Variants in FCHO2 observed in about 807,000 individuals in gnomAD.
FCHO2 encodes FCH and mu domain containing endocytic adaptor 2.
A neutral mutation model predicts 114.1 loss-of-function variants in FCHO2; 43 were observed. That is an observed-to-expected ratio of 0.38 (90% CI 0.30 to 0.49). FCHO2 has a LOEUF of 0.49. FCHO2 is among the 20% of genes least tolerant of loss of function. The pLI is 0.97. For missense variants in FCHO2, 807 were observed against 950.4 expected, an observed-to-expected ratio of 0.85 and a Z score of 1.98; for synonymous variants, 293 against 315.2, an observed-to-expected ratio of 0.93 and a Z score of 0.75.
chr5:72,988,008 C>T (rs770427781), intron 2 of FCHO2, among the ~76,000 whole-genome samples: 2 of 152,108 alleles, frequency 1.3e-5, no homozygotes, highest in African/African-American at 2.4e-5. Context: ...TGGATTTAGA[C>T]ATTAGAAGCA....
At chr5:73,016,191 G>A (rs1233310846) in intron 7 of FCHO2, among the ~76,000 whole-genome samples, 1 of 152,026 alleles carries the variant, frequency 6.6e-6, no homozygotes, top group Non-Finnish European at 1.5e-5. Flanking sequence ...GCTCATACCT[G>A]TAATCTCAGC....
At chr5:73,079,220 C>A (rs1743014288) in intron 22 of FCHO2, among the ~76,000 whole-genome samples, 1 of 152,144 alleles carries the variant, frequency 6.6e-6, no homozygotes, top group Non-Finnish European at 1.5e-5. Context: ...CAGCCTTAGC[C>A]TCCCGAGTGA....
At chr5:72,956,173 C>G in intron 1 of FCHO2, 44 bp downstream of exon 1, 1 of 1,523,058 alleles carries the variant, frequency 6.6e-7, no homozygotes, top group Non-Finnish European at 8.8e-7. Context: ...AAGTCCAAGG[C>G]TTTTGGCGCC....
intron 5 of FCHO2, chr5:72,997,670 T>C: frequency 6.5e-7 from 1 of 1,532,802 alleles, no homozygotes; most frequent in Non-Finnish European, 9.0e-7. Context: ...TCACCTGAGT[T>C]GGGGTTGGGG....
chr5:72,996,939 T>C, intron 5 of FCHO2: 1 of 1,604,408 alleles, frequency 6.2e-7, no homozygotes, highest in Non-Finnish European at 8.5e-7. Flanking sequence ...ACGCAGTGTC[T>C]GCTGGGGCTG....
At chr5:73,000,110 A>G (rs1361493642) in intron 5 of FCHO2, among the ~76,000 whole-genome samples, 1 of 152,098 alleles carries the variant, frequency 6.6e-6, no homozygotes. Flanking sequence ...GACTTAAGCA[A>G]TCCTTCACCT....
chr5:73,028,184 G>A (rs1561460598), intron 8 of FCHO2, among the ~76,000 whole-genome samples: 2 of 152,112 alleles, frequency 1.3e-5, no homozygotes, highest in East Asian at 1.9e-4. Flanking sequence ...GTGACAGGGC[G>A]AGACTCCATC....
chr5:73,040,335 A>C (rs1428448319), intron 10 of FCHO2, among the ~76,000 whole-genome samples: 1 of 152,166 alleles, frequency 6.6e-6, no homozygotes, highest in Non-Finnish European at 1.5e-5. Flanking sequence ...GCATCCTGTT[A>C]GTGTTCAAAA....
chr5:73,057,418 C>T (rs546374447), intron 16 of FCHO2, among the ~76,000 whole-genome samples: 12 of 152,050 alleles, frequency 7.9e-5, no homozygotes, highest in East Asian at 5.8e-4. Context: ...CTTTATCATA[C>T]GAGGTATAGT....
chr5:73,054,809 C>G (rs1403976904), intron 15 of FCHO2, among the ~76,000 whole-genome samples: 1 of 152,154 alleles, frequency 6.6e-6, no homozygotes, highest in Non-Finnish European at 1.5e-5. Context: ...ACTTCTGATT[C>G]AGAATGTTAA....
chr5:72,973,002 A>G (rs1456259424), intron 2 of FCHO2, among the ~76,000 whole-genome samples: 2 of 152,186 alleles, frequency 1.3e-5, no homozygotes, highest in African/African-American at 2.4e-5. Context: ...GCTGGATTAC[A>G]TTTATTGATT....
At position 72,980,006 on chromosome 5, in the gene FCHO2, C is replaced by G. The variant is rs369070615; in HGVS notation, c.126-9421C>G. On this transcript the variant is annotated intron_variant, in intron 2 of 25. Coordinates refer to ENST00000430046, the MANE Select transcript of FCHO2 (RefSeq NM_138782.3). Reference sequence around the variant, plus strand: ...CTGCTAGCTTTTGAATTTGTTTGCTCTTGCTTCTCTAGTTCTTTTAATTGT... The same window carrying G: ...CTGCTAGCTTTTGAATTTGTTTGCTGTTGCTTCTCTAGTTCTTTTAATTGT... Among the ~76,000 whole-genome samples the G allele has an allele frequency of 5.9e-5, 9 of 152,018 alleles. No individual in the cohort carries two copies. The East Asian group carries it at 7.7e-4, about 13-fold the overall frequency.
At chr5:73,064,823 A>G (rs1425069024) in intron 18 of FCHO2, among the ~76,000 whole-genome samples, 3 of 152,112 alleles carry the variant, frequency 2.0e-5, no homozygotes, top group African/African-American at 4.8e-5. Flanking sequence ...TCAGTTTTCT[A>G]TGTCACAAAT....
intron 21 of FCHO2, 107 bp downstream of exon 21, chr5:73,077,600 C>T (rs1742955073): frequency 1.6e-6 from 2 of 1,214,392 alleles, no homozygotes; most frequent in Non-Finnish European, 1.1e-6. Flanking sequence ...GAGGCTGAGG[C>T]AGGTGGATTG....
intron 6 of FCHO2, among the ~76,000 whole-genome samples, chr5:73,014,096 A>AC (rs1755168385): frequency 6.6e-6 from 1 of 151,562 alleles, no homozygotes; most frequent in Non-Finnish European, 1.5e-5. Context: ...ATCTCTTTCA[A>AC]CCCCCATTAC....
intron 2 of FCHO2, among the ~76,000 whole-genome samples, chr5:72,987,324 T>G (rs2112660252): frequency 6.6e-6 from 1 of 152,188 alleles, no homozygotes; most frequent in Non-Finnish European, 1.5e-5. Context: ...ATATTTTGAT[T>G]AGGGATGTTT....
chr5:73,031,229 G>A (rs774444298), intron 8 of FCHO2, among the ~76,000 whole-genome samples: 1 of 152,154 alleles, frequency 6.6e-6, no homozygotes, highest in Non-Finnish European at 1.5e-5. Flanking sequence ...CCATTGTTAT[G>A]AGTCACAACT....
intron 19 of FCHO2, 80 bp from the exon 20 acceptor site, chr5:73,074,662 T>A: frequency 5.3e-6 from 7 of 1,311,204 alleles, no homozygotes; most frequent in East Asian, 5.2e-5. Flanking sequence ...TGTGACAGCC[T>A]AACAATGTGA....
intron 18 of FCHO2, among the ~76,000 whole-genome samples, chr5:73,064,353 T>G (rs772682801): frequency 6.6e-5 from 10 of 152,048 alleles, no homozygotes; most frequent in Admixed American, 2.6e-4. Flanking sequence ...ATTTTACACA[T>G]AAGGAAACTG....
Sources: gnomAD v4.1 joint callset for allele counts (sites outside exome capture counted in the v4.1 genomes callset) on GRCh38, gnomAD v4.1.1 for gene constraint, MANE v1.5 for transcripts, NCBI Gene and HGNC (gene_info 2026-07-23, HGNC 2026-07-21) for gene names.